The following PZP variants were observed in gnomAD, a reference collection of about 807,000 sequenced individuals.
PZP encodes the protein pregnancy zone protein.
PZP carries 150 observed loss-of-function variants against 179.8 expected under a neutral mutation model. The observed-to-expected ratio is 0.83, with a 90% CI of 0.73 to 0.96. The LOEUF (loss-of-function observed/expected upper bound fraction) is 0.96, where lower values mean the gene tolerates loss of function less well. PZP is among the 40% of genes least tolerant of loss of function. The pLI is 0.00. For synonymous variants in PZP, 624 were observed against 652.3 expected, an observed-to-expected ratio of 0.96 and a Z score of 0.66; for missense variants, 1,689 against 1,764.0, an observed-to-expected ratio of 0.96 and a Z score of 0.76.
rs140851445 is a variant in PZP, at chr12:9,157,787, C to A, written c.3349G>T (p.Glu1117Ter). 178 of 1,613,950 alleles carry A rather than the reference C, an allele frequency of 1.1e-4. 1 individual carries two copies. In the Admixed American group the frequency reaches 2.9e-3, roughly 27 times the overall value. The change falls in exon 27 of 36, where the codon GAA becomes TAA. Residue 1117 changes from glutamate (E) to a stop codon, truncating the protein, a stop_gained. Transcript: ENST00000261336. LOFTEE classifies it high-confidence loss of function. ...LSAYVTIALL[E>*]IPLPVTNPIV... The stretch of plus-strand genomic sequence containing the variant: ...CCTACAGTGACTGGGAGAGGAATTT[C>A]CAGAAGGGCAATAGTAACATAGGCG...
intron 28 of PZP, among the ~76,000 whole-genome samples, chr12:9,155,075 C>CA (rs1454808809): frequency 2.0e-5 from 3 of 152,124 alleles, no homozygotes; most frequent in Admixed American, 2.0e-4. Flanking sequence ...GCATACTCAC[C>CA]AATCTCTCCA....
Position 9,163,678 on chromosome 12 carries a change from A to G in PZP, c.2726T>C (p.Leu909Pro). The G allele has an allele frequency of 1.2e-6, 2 of 1,613,642 alleles. No homozygotes were observed. The highest frequency in any genetic ancestry group is 1.7e-6 in the Non-Finnish European group (2 of 1,179,726). Residue 909 changes from leucine (L) to proline (P), a missense_variant, in exon 21 of 36, where the codon CTG (leucine) becomes CCG (proline). Leu to Pro is a moderately conservative substitution (Grantham distance 98). Transcript: ENST00000261336. ...IKRKDTVIKTLLVEAEGIEQE... is the reference protein window; with the variant it reads ...IKRKDTVIKTPLVEAEGIEQE... ...CCAAAAATATGTTACCTCCACCAACAGGGTTTTGATGACTGTGTCTTTTCT... is the reference window on the plus strand; with the variant it reads ...CCAAAAATATGTTACCTCCACCAACGGGGTTTTGATGACTGTGTCTTTTCT...
At chr12:9,173,634 T>C (rs1443242962) in intron 15 of PZP, among the ~76,000 whole-genome samples, 1 of 151,998 alleles carries the variant, frequency 6.6e-6, no homozygotes, top group African/African-American at 2.4e-5. Flanking sequence ...CAATCAGAAA[T>C]GATAGGGGAA....
chr12:9,203,706 G>T, intron 2 of PZP, 62 bp downstream of exon 2: 2 of 1,562,456 alleles, frequency 1.3e-6, no homozygotes, highest in South Asian at 1.1e-5. Context: ...CCATCACCAT[G>T]ACCTATAGAG....
chr12:9,176,008 C>T (rs1942339079), intron 15 of PZP, among the ~76,000 whole-genome samples: 1 of 152,126 alleles, frequency 6.6e-6, no homozygotes, highest in African/African-American at 2.4e-5. Flanking sequence ...TACATGCTTG[C>T]ATATATTCAC....
chr12:9,143,550 G>A, the PZP span, among the ~76,000 whole-genome samples: 1 of 152,118 alleles, frequency 6.6e-6, no homozygotes, highest in African/African-American at 2.4e-5. Context: ...GATTTCATGA[G>A]GGGTGCAAGC....
At chr12:9,194,551 G>A (rs1318819662) in intron 10 of PZP, among the ~76,000 whole-genome samples, 2 of 145,250 alleles carry the variant, frequency 1.4e-5, no homozygotes, top group Non-Finnish European at 3.0e-5. Flanking sequence ...TGCAAGCTCT[G>A]CCTCCTGGAC....
chr12:9,199,474 C>T (rs540901824), intron 7 of PZP, among the ~76,000 whole-genome samples: 77 of 152,050 alleles, frequency 5.1e-4, no homozygotes, highest in Admixed American at 9.8e-4. Flanking sequence ...TGCACTATTT[C>T]TGGTTATTGA....
rs1943614483 is a variant in PZP, at chr12:9,194,208, T to G, written c.1123A>C (p.Ile375Leu). 6.2e-7 allele frequency: 1 copy of G among 1,614,004 alleles called. No individual in the cohort carries two copies. Reference protein sequence around the residue: ...VLLVDGKGVPIPNKLFFISVN... With the variant: ...VLLVDGKGVPLPNKLFFISVN... ...GAGATGAAGAAGAGTTTATTGGGGA[T>G]GGGCACACCTTTTCCATCCACCAGA... The change falls in exon 11 of 36, where the codon ATC (isoleucine) becomes CTC (leucine). Residue 375 changes from isoleucine (I) to leucine (L), a missense_variant. Physicochemically the swap from Ile to Leu is conservative, Grantham distance 5. This residue lies in a region of PZP where 742 missense variants were observed against 730.5 expected (regional missense o/e 1.02). Coordinates refer to ENST00000261336, the MANE Select transcript of PZP (RefSeq NM_002864.3).
intron 24 of PZP, 48 bp downstream of exon 24, chr12:9,160,265 GA>G: frequency 6.6e-7 from 1 of 1,513,014 alleles, no homozygotes; most frequent in Non-Finnish European, 9.0e-7. Context: ...GCTTAATTGG[GA>G]AAAGTTTCAT....
intron 25 of PZP, 56 bp from the exon 26 acceptor site, chr12:9,158,632 C>G: frequency 6.4e-7 from 1 of 1,554,068 alleles, no homozygotes; most frequent in Admixed American, 1.8e-5. Flanking sequence ...CTTTACTGCT[C>G]TGTTTTGTAC....
intron 2 of PZP, 25 bp from the exon 3 acceptor site, chr12:9,202,709 A>G (rs1347551641): frequency 1.9e-6 from 3 of 1,605,248 alleles, no homozygotes; most frequent in East Asian, 4.5e-5. Flanking sequence ...ATTTTTTACT[A>G]CTGAGGAACT....
the PZP span, among the ~76,000 whole-genome samples, chr12:9,140,394 G>A: frequency 6.6e-6 from 1 of 152,160 alleles, no homozygotes; most frequent in East Asian, 1.9e-4. Context: ...TTTCTTACTC[G>A]GCCCAATTGG....
intron 2 of PZP, among the ~76,000 whole-genome samples, chr12:9,203,281 C>T (rs1271264064): frequency 1.3e-5 from 2 of 150,720 alleles, no homozygotes; most frequent in African/African-American, 2.4e-5. Context: ...ATGCTTTGTT[C>T]CTTAATAGTT....
chr12:9,151,551 C>T (rs1384589444), intron 33 of PZP, 53 bp downstream of exon 33: 3 of 1,449,502 alleles, frequency 2.1e-6, no homozygotes, highest in Non-Finnish European at 2.9e-6. Flanking sequence ...TAAAGAGACT[C>T]ACTTAGAAAG....
rs377754346 is a variant in PZP at position 9,199,531 on chromosome 12, T to G, written c.755+833A>C. On this transcript the variant is annotated intron_variant, in intron 7 of 35. Transcript: ENST00000261336. Reference sequence around the variant, plus strand: ...TCAATGTAAAACATTCAATGTATCCTCTTAAAATTGCCCAGAGGAAAGATT... The same window carrying G: ...TCAATGTAAAACATTCAATGTATCCGCTTAAAATTGCCCAGAGGAAAGATT... Among the ~76,000 whole-genome samples the G allele has an allele frequency of 6.6e-5, 10 of 152,270 alleles. No homozygotes were observed. The East Asian group carries it at 1.7e-3, about 26-fold the overall frequency.
chr12:9,152,988 T>C (rs772191985), intron 30 of PZP, 37 bp from the exon 31 acceptor site: 1 of 1,613,520 alleles, frequency 6.2e-7, no homozygotes, highest in South Asian at 1.1e-5. Flanking sequence ...TTTCTCTCTT[T>C]TTCTGGACCC....
chr12:9,158,700 G>A, intron 25 of PZP, 124 bp from the exon 26 acceptor site: 2 of 833,982 alleles, frequency 2.4e-6, no homozygotes. Context: ...GTTACTGAGA[G>A]TTTGGAGACT....
In PZP at chr12:9,153,246, G is replaced by C; in HGVS notation, c.3872C>G (p.Thr1291Ser). ...TAQVTVQDSQ[T>S]FSTNFQVDNN... Reference sequence around the variant, plus strand: ...GTCTACTTGGAAATTTGTAGAAAAGGTCTGTGAATCCTGAACGGTGACCTG... The same window carrying C: ...GTCTACTTGGAAATTTGTAGAAAAGCTCTGTGAATCCTGAACGGTGACCTG... Residue 1291 changes from threonine to serine, a missense_variant, in exon 30 of 36, where the codon ACC becomes AGC. By Grantham distance (58) the Thr-to-Ser change is moderately conservative. This residue lies in a region of PZP where 746 missense variants were observed against 749.2 expected (regional missense o/e 1.00). Transcript: ENST00000261336. 1 of 1,614,162 alleles carries C rather than the reference G, an allele frequency of 6.2e-7. No homozygotes were observed. The highest frequency in any genetic ancestry group is 8.5e-7 in the Non-Finnish European group (1 of 1,179,988).
Sources: allele counts gnomAD v4.1 joint callset (sites outside exome capture counted in the v4.1 genomes callset), GRCh38; gene constraint gnomAD v4.1.1; regional missense constraint gnomAD v4.1.1; transcripts MANE v1.5; gene names NCBI Gene and HGNC (gene_info 2026-07-23, HGNC 2026-07-21).